The following C9 variants were observed in gnomAD, a reference collection of about 807,000 sequenced individuals.
C9 encodes the protein complement component C9.
Under a neutral mutation model 65.4 loss-of-function variants are expected in C9, and 63 were observed. The observed-to-expected ratio is 0.96, with a 90% CI of 0.79 to 1.19. The LOEUF is 1.19. C9 is among the 50% of genes most tolerant of loss of function. The pLI is 0.00. For missense variants in C9, 744 were observed against 670.1 expected (o/e 1.11, Z -1.22); for synonymous variants, 229 against 227.9 (o/e 1.00, Z -0.04).
chr5:39,339,651 CTTTTTTTTTTTTTTTT>C (rs550624256), intron 4 of C9, among the ~76,000 whole-genome samples: 2 of 57,550 alleles, frequency 3.5e-5, no homozygotes, highest in Admixed American at 5.3e-4. Flanking sequence ...TCTTTTCTCT[CTTTTTTTTTTTTTTTT>C]TTTTTTTTTT....
chr5:39,334,410 G>T (rs1345884188), intron 4 of C9, among the ~76,000 whole-genome samples: 1 of 149,426 alleles, frequency 6.7e-6, no homozygotes, highest in Non-Finnish European at 1.5e-5. Flanking sequence ...GAGCCCCTCC[G>T]CCCGGCAGCC....
At chr5:39,342,552 T>C (rs1246332656) in intron 1 of C9, among the ~76,000 whole-genome samples, 2 of 152,146 alleles carry the variant, frequency 1.3e-5, no homozygotes, top group Non-Finnish European at 2.9e-5. Flanking sequence ...GAAATCTGAT[T>C]TTATTTTTTT....
At chr5:39,292,387 T>C (rs554432664) in intron 9 of C9, among the ~76,000 whole-genome samples, 2 of 151,542 alleles carry the variant, frequency 1.3e-5, no homozygotes, top group South Asian at 4.1e-4. Flanking sequence ...TAGAATTTTA[T>C]ACCTAATGAA....
chr5:39,317,823 T>C (rs1490582885), intron 5 of C9, among the ~76,000 whole-genome samples: 2 of 152,134 alleles, frequency 1.3e-5, no homozygotes, highest in South Asian at 2.1e-4. Context: ...CTTGGCTATA[T>C]AGGCTCTTTT....
chr5:39,301,226 A>G (rs997813596), intron 9 of C9, among the ~76,000 whole-genome samples: 3 of 152,102 alleles, frequency 2.0e-5, no homozygotes, highest in Non-Finnish European at 2.9e-5. Context: ...ACCTTAACCT[A>G]CTTGAATGCT....
At position 39,325,634 on chromosome 5, in the gene C9, C is replaced by T. The variant is rs138277563; in HGVS notation, c.615+6042G>A. ...CTAAAATACAAAAATTAGCTGAGCA[C>T]GGTGGCGCACGCCTCAAATCCCAGC... On this transcript the variant is annotated intron_variant, in intron 5 of 10. Coordinates refer to ENST00000263408, the MANE Select transcript of C9 (RefSeq NM_001737.5). 5.1e-3 allele frequency among the ~76,000 whole-genome samples: 780 copies of T among 152,086 alleles called. 7 individuals are homozygous for T. The highest frequency in any genetic ancestry group is 0.018 in the African/African-American group (727 of 41,500).
At chr5:39,360,425 A>C (rs700224) in intron 1 of C9, among the ~76,000 whole-genome samples, 62,275 of 151,864 alleles carry the variant, frequency 0.41, 12,802 homozygotes, top group Middle Eastern at 0.51. Flanking sequence ...GGTCTTCTAA[A>C]CCCCAATCTA....
At chr5:39,318,023 T>C (rs1303356447) in intron 5 of C9, among the ~76,000 whole-genome samples, 1 of 152,188 alleles carries the variant, frequency 6.6e-6, no homozygotes, top group Non-Finnish European at 1.5e-5. Context: ...TCTGATTTCC[T>C]TGAGCAGTAG....
At position 39,333,893 on chromosome 5, in the gene C9, CAG is replaced by C. The variant is rs570886217; in HGVS notation, c.477-2081_477-2080del. 2.5e-3 allele frequency among the ~76,000 whole-genome samples: 374 copies of C among 152,348 alleles called. 1 individual carries two copies. The highest frequency in any genetic ancestry group is 3.6e-3 in the Non-Finnish European group (248 of 68,036). ...CCTCCTGAGTTGCCGGGATTGCAGA[CAG>C]AGTCTCGTTAACTCAGTGCTCAATG... On this transcript the variant is annotated intron_variant, in intron 4 of 10. Transcript: ENST00000263408.
At chr5:39,356,722 T>A (rs1754418676) in intron 1 of C9, among the ~76,000 whole-genome samples, 3 of 152,218 alleles carry the variant, frequency 2.0e-5, no homozygotes, top group East Asian at 1.9e-4. Flanking sequence ...ATATGCTGCA[T>A]AAATACTAAG....
In C9 at chr5:39,306,741, C is replaced by T. The variant is rs1753386524; in HGVS notation, c.1292G>A (p.Gly431Asp). The T allele has an allele frequency of 1.2e-6, 2 of 1,612,588 alleles. No individual in the cohort carries two copies. The highest frequency in any genetic ancestry group is 1.7e-6 in the Non-Finnish European group (2 of 1,178,730). The change falls in exon 9 of 11, where the codon GGT (glycine) becomes GAT (aspartate). Residue 431 changes from glycine to aspartate, a missense_variant. By Grantham distance (94) the Gly-to-Asp change is moderately conservative. Transcript: ENST00000263408. ...LIDDVVSLIR[G>D]GTRKYAFELK... ...TTCAAATGCATATTTTCTGGTTCCA[C>T]CTCTTATGAGTGAAACAACATCATC...
intron 5 of C9, among the ~76,000 whole-genome samples, chr5:39,321,607 A>G: frequency 6.6e-6 from 1 of 152,012 alleles, no homozygotes; most frequent in East Asian, 1.9e-4. Context: ...CTCAATCAAG[A>G]GATGCAGAGT....
chr5:39,335,254 A>G (rs559462808), intron 4 of C9, among the ~76,000 whole-genome samples: 1 of 152,330 alleles, frequency 6.6e-6, no homozygotes, highest in African/African-American at 2.4e-5. Context: ...GGTGACTACT[A>G]TATCTATGTG....
Position 39,306,696 on chromosome 5 carries a change from C to T in C9, c.1337G>A (p.Arg446Gln), listed in dbSNP as rs779758450. ...YAFELKEKLLRGTVIDVTDFV... is the reference protein window; with the variant it reads ...YAFELKEKLLQGTVIDVTDFV... ...GTCAGTCACATCAATCACGGTTCCT[C>T]GGAGAAGCTTTTCTTTCAGTTCAAA... The change falls in exon 9 of 11, where the codon CGA becomes CAA. Residue 446 changes from arginine (R) to glutamine (Q), a missense_variant. Coordinates refer to ENST00000263408, the MANE Select transcript of C9 (RefSeq NM_001737.5). 6 of 1,613,366 alleles carry T rather than the reference C, an allele frequency of 3.7e-6. No individual in the cohort carries two copies. The highest frequency in any genetic ancestry group is 1.1e-5 in the South Asian group (1 of 91,070).
chr5:39,322,038 A>T (rs1042898851), intron 5 of C9, among the ~76,000 whole-genome samples: 1 of 152,082 alleles, frequency 6.6e-6, no homozygotes, highest in African/African-American at 2.4e-5. Context: ...CATCCAAAGT[A>T]ACATAATACA....
At chr5:39,328,121 G>A (rs1241425590) in intron 5 of C9, among the ~76,000 whole-genome samples, 3 of 152,180 alleles carry the variant, frequency 2.0e-5, no homozygotes, top group African/African-American at 4.8e-5. Flanking sequence ...AATGTACTTG[G>A]AGTGGGATCC....
At chr5:39,330,965 G>C (rs1055849291) in intron 5 of C9, among the ~76,000 whole-genome samples, 3 of 152,276 alleles carry the variant, frequency 2.0e-5, no homozygotes, top group African/African-American at 7.2e-5. Flanking sequence ...CAGACCTTGT[G>C]GCTCTTCTTT....
intron 9 of C9, among the ~76,000 whole-genome samples, chr5:39,298,588 C>A (rs1753228966): frequency 6.6e-6 from 1 of 151,544 alleles, no homozygotes; most frequent in South Asian, 2.1e-4. Flanking sequence ...CTTCTAATAT[C>A]TATTTAAATA....
intron 6 of C9, among the ~76,000 whole-genome samples, chr5:39,311,597 TAGAC>T (rs72313268): frequency 0.026 from 3,886 of 152,256 alleles, 75 homozygotes; most frequent in Middle Eastern, 0.041. Flanking sequence ...CTGGTAAAAT[TAGAC>T]AGCCACTTTG....
Sources: gnomAD v4.1 joint callset for allele counts (sites outside exome capture counted in the v4.1 genomes callset) on GRCh38, gnomAD v4.1.1 for gene constraint, MANE v1.5 for transcripts, NCBI Gene and HGNC (gene_info 2026-07-23, HGNC 2026-07-21) for gene names.